Variants in TMEM132D observed in about 807,000 individuals in gnomAD.
TMEM132D encodes transmembrane protein 132D.
TMEM132D carries 21 observed loss-of-function variants against 62.3 expected under a neutral mutation model. The observed-to-expected ratio is 0.34, with a 90% CI of 0.24 to 0.49. The LOEUF is 0.49. Among genes scored for constraint, TMEM132D ranks in the 20% least tolerant of loss-of-function variants. TMEM132D has a pLI of 0.99. For synonymous variants in TMEM132D, 621 were observed against 575.6 expected, an observed-to-expected ratio of 1.08 and a Z score of -1.13; for missense variants, 1,346 against 1,402.8, an observed-to-expected ratio of 0.96 and a Z score of 0.65.
intron 5 of TMEM132D, among the ~76,000 whole-genome samples, chr12:129,115,079 T>C (rs1270771478): frequency 6.6e-6 from 1 of 152,200 alleles, no homozygotes; most frequent in Non-Finnish European, 1.5e-5. Context: ...ACATCCTCTT[T>C]TATTTTCACT....
chr12:129,630,561 A>G (rs1879324812), intron 2 of TMEM132D, among the ~76,000 whole-genome samples: 1 of 152,158 alleles, frequency 6.6e-6, no homozygotes. Context: ...GCAAATAGAG[A>G]TAGGAAAAGT....
At chr12:129,686,204 G>A (rs1880911966) in intron 2 of TMEM132D, among the ~76,000 whole-genome samples, 1 of 152,094 alleles carries the variant, frequency 6.6e-6, no homozygotes, top group Non-Finnish European at 1.5e-5. Context: ...GAATGATATG[G>A]TTTGGCTGTG....
At chr12:129,325,975 A>G (rs1379804958) in intron 4 of TMEM132D, among the ~76,000 whole-genome samples, 2 of 152,224 alleles carry the variant, frequency 1.3e-5, no homozygotes, top group Non-Finnish European at 2.9e-5. Context: ...AAGACTAGGC[A>G]TCATGAGTGC....
At chr12:129,538,954 A>AG (rs145700470) in intron 2 of TMEM132D, among the ~76,000 whole-genome samples, 22 of 151,170 alleles carry the variant, frequency 1.5e-4, no homozygotes, top group African/African-American at 5.1e-4. Flanking sequence ...CCCTGGCGAT[A>AG]GGTCAGAAGG....
chr12:129,298,655 G>A (rs971888921), intron 4 of TMEM132D, among the ~76,000 whole-genome samples: 7 of 152,086 alleles, frequency 4.6e-5, no homozygotes, highest in African/African-American at 1.2e-4. Flanking sequence ...GGTAACCAAC[G>A]GTTCTACTTT....
chr12:129,595,901 G>A (rs1009462182), intron 2 of TMEM132D, among the ~76,000 whole-genome samples: 13 of 152,134 alleles, frequency 8.5e-5, no homozygotes, highest in East Asian at 1.9e-4. Context: ...TGCTGTACAC[G>A]TTTTGTAAAC....
intron 3 of TMEM132D, among the ~76,000 whole-genome samples, chr12:129,432,404 C>T (rs1381445461): frequency 6.6e-6 from 1 of 152,078 alleles, no homozygotes; most frequent in African/African-American, 2.4e-5. Flanking sequence ...GTGAGCTCCA[C>T]GAGAGAAGAG....
chr12:129,414,867 GT>G (rs1872069652), intron 3 of TMEM132D, among the ~76,000 whole-genome samples: 1 of 152,038 alleles, frequency 6.6e-6, no homozygotes, highest in Non-Finnish European at 1.5e-5. Flanking sequence ...TCTACTCTCT[GT>G]TTCTGTGAAT....
chr12:129,103,588 C>G (rs1875387212), intron 5 of TMEM132D, among the ~76,000 whole-genome samples: 1 of 152,214 alleles, frequency 6.6e-6, no homozygotes, highest in East Asian at 1.9e-4. Flanking sequence ...TCCAGAGTGT[C>G]ACCCAGGCCT....
In TMEM132D at chr12:129,585,808, T is replaced by C. The variant is rs527412834; in HGVS notation, c.969-54603A>G. ...TTCCAATCAAAATACCAATGAGATA[T>C]GCATGCATGTGTGTGTGTGTGTGTG... On this transcript the variant is annotated intron_variant, in intron 2 of 8. Transcript: ENST00000422113. Among the ~76,000 whole-genome samples the C allele has an allele frequency of 3.0e-5, 4 of 133,076 alleles. No homozygotes were observed. The South Asian group carries it at 1.1e-3, about 36-fold the overall frequency. The allele number at this position is 133,076 out of a possible 152,430, so 87.3% of individuals were successfully genotyped here. A position where few individuals can be genotyped will look rare whatever the true frequency, so the allele number is the denominator to read the frequency against.
At chr12:129,442,353 C>T (rs1293660524) in intron 3 of TMEM132D, among the ~76,000 whole-genome samples, 11 of 152,174 alleles carry the variant, frequency 7.2e-5, no homozygotes, top group Admixed American at 2.6e-4. Flanking sequence ...TGCACTTGCT[C>T]TTGGGAGAAG....
chr12:129,340,219 A>C (rs749493627), intron 3 of TMEM132D, among the ~76,000 whole-genome samples: 18 of 152,082 alleles, frequency 1.2e-4, no homozygotes, highest in Non-Finnish European at 2.4e-4. Context: ...TCCCTTTCCC[A>C]GCCAAGATGT....
chr12:129,810,094 A>C (rs1214328624), intron 1 of TMEM132D, among the ~76,000 whole-genome samples: 1 of 152,154 alleles, frequency 6.6e-6, no homozygotes, highest in Non-Finnish European at 1.5e-5. Flanking sequence ...TCTACCAAAA[A>C]CCCACAGCAA....
chr12:129,755,694 G>A (rs1220172191), intron 1 of TMEM132D, among the ~76,000 whole-genome samples: 1 of 152,112 alleles, frequency 6.6e-6, no homozygotes. Flanking sequence ...ATTTGAATCT[G>A]GAAAGATAGG....
intron 8 of TMEM132D, among the ~76,000 whole-genome samples, chr12:129,076,713 C>A (rs886106856): frequency 5.3e-5 from 8 of 152,214 alleles, no homozygotes; most frequent in African/African-American, 1.9e-4. Flanking sequence ...CTTGAAACTA[C>A]CACTGTCAGA....
At position 129,116,918 on chromosome 12, in the gene TMEM132D, CAAAAAAAAAAAAA is replaced by C. The variant is rs60513263; in HGVS notation, c.1444-32229_1444-32217del. On this transcript the variant is annotated intron_variant, in intron 5 of 8. Coordinates refer to ENST00000422113, the MANE Select transcript of TMEM132D (RefSeq NM_133448.3). Reference sequence around the variant, plus strand: ...TACCCAAATGAGCTGAAAATTTCCGCAAAAAAAAAAAAAAAAAAAAAAAAAAAAATCTGTACGT... The same window carrying C: ...TACCCAAATGAGCTGAAAATTTCCGCAAAAAAAAAAAAAAAATCTGTACGT... Among the ~76,000 whole-genome samples, 449 of 59,082 alleles carry C rather than the reference CAAAAAAAAAAAAA, an allele frequency of 7.6e-3. 8 individuals carry two copies. The highest frequency in any genetic ancestry group is 0.029 in the African/African-American group (431 of 14,954). The allele number at this position is 59,082 out of a possible 152,430, so 38.8% of individuals were successfully genotyped here.
chr12:129,415,370 G>C (rs7971354), intron 3 of TMEM132D, among the ~76,000 whole-genome samples: 29,869 of 152,132 alleles, frequency 0.2, 3,264 homozygotes, highest in Non-Finnish European at 0.25. Flanking sequence ...ATTCTAACAG[G>C]TATGTGAGGG....
rs572426334 is a variant in TMEM132D, at chr12:129,364,422, G to A, written c.1116-26605C>T. ...ACTGTATGAGGCAGTCCTAGCACTC[G>A]CAGTGTTGATGAACTGAGATCATTT... On this transcript the variant is annotated intron_variant, in intron 3 of 8. Coordinates refer to ENST00000422113, the MANE Select transcript of TMEM132D (RefSeq NM_133448.3). 4.9e-4 allele frequency among the ~76,000 whole-genome samples: 75 copies of A among 152,344 alleles called. 1 individual carries two copies. The highest frequency in any genetic ancestry group is 3.4e-3 in the Middle Eastern group (1 of 294).
intron 4 of TMEM132D, among the ~76,000 whole-genome samples, chr12:129,292,349 G>GA (rs1257080476): frequency 6.6e-6 from 1 of 152,186 alleles, no homozygotes. Flanking sequence ...TAGCGTATCT[G>GA]AAAGTAGCTG....
Sources: gnomAD v4.1 joint callset for allele counts (sites outside exome capture counted in the v4.1 genomes callset) on GRCh38, gnomAD v4.1.1 for gene constraint, MANE v1.5 for transcripts, NCBI Gene and HGNC (gene_info 2026-07-23, HGNC 2026-07-21) for gene names.